BFSP2: variants seen among roughly 807,000 people sequenced by gnomAD.
The protein encoded by BFSP2 is phakinin.
In BFSP2, 38 loss-of-function variants were observed where a neutral mutation model predicts 44.9. That is an observed-to-expected ratio of 0.85 (90% CI 0.65 to 1.11). BFSP2 has a LOEUF of 1.11. Ranked by LOEUF, BFSP2 falls within the 50% of genes least tolerant of loss-of-function variation. BFSP2 has a pLI of 0.00. For synonymous variants in BFSP2, 197 were observed against 209.9 expected (o/e 0.94, Z 0.53); for missense variants, 525 against 533.0 (o/e 0.99, Z 0.15).
rs540088874 is a variant in BFSP2, at chr3:133,460,075, T to C, written c.892-6753T>C. Among the ~76,000 whole-genome samples, 9 of 152,144 alleles carry C rather than the reference T, an allele frequency of 5.9e-5. No homozygotes were observed. In the East Asian group the frequency reaches 7.7e-4, roughly 13 times the overall value. ...CAGTGTGGATGTTGGCTGGTGTACC[T>C]GTGGGAGGCAAGAAATGGGTAGAAA... On this transcript the variant is annotated intron_variant, in intron 4 of 6. Coordinates refer to ENST00000302334, the MANE Select transcript of BFSP2 (RefSeq NM_003571.4).
Position 133,425,470 on chromosome 3 carries a change from T to C in BFSP2, c.490-21847T>C, listed in dbSNP as rs1469688144. ...CTTGCTCAGTGGGTGGTAGACATTC[T>C]TCCCAGCCCCTGGGCGAAAACATGG... is the stretch of plus-strand genomic sequence containing the variant. On this transcript the variant is annotated intron_variant, in intron 1 of 6. Transcript: ENST00000302334. Among the ~76,000 whole-genome samples the C allele has an allele frequency of 2.6e-5, 4 of 152,214 alleles. No homozygotes were observed. In the East Asian group the frequency reaches 7.7e-4, roughly 29 times the overall value.
intron 1 of BFSP2, among the ~76,000 whole-genome samples, chr3:133,441,596 T>A (rs946829207): frequency 6.6e-6 from 1 of 152,142 alleles, no homozygotes; most frequent in Non-Finnish European, 1.5e-5. Flanking sequence ...GGCTGTTCCC[T>A]GAGGGTAGGC....
At chr3:133,472,798 TG>T (rs1188340370) in intron 6 of BFSP2, among the ~76,000 whole-genome samples, 1 of 152,186 alleles carries the variant, frequency 6.6e-6, no homozygotes, top group Non-Finnish European at 1.5e-5. Flanking sequence ...TATTTATGTA[TG>T]TATATATACA....
chr3:133,469,826 G>T (rs982962725), intron 5 of BFSP2, among the ~76,000 whole-genome samples: 4 of 152,184 alleles, frequency 2.6e-5, no homozygotes, highest in African/African-American at 9.7e-5. Context: ...CTTTGGCTGG[G>T]GTTCCAATGA....
intron 1 of BFSP2, among the ~76,000 whole-genome samples, chr3:133,431,672 G>A (rs1559967045): frequency 6.6e-6 from 1 of 152,042 alleles, no homozygotes; most frequent in Non-Finnish European, 1.5e-5. Context: ...ACAGCGGAGG[G>A]TAAGTCCATC....
At chr3:133,417,467 ACCCTCTCCCCTCTACTCACCCCTG>A in intron 1 of BFSP2, among the ~76,000 whole-genome samples, 1 of 22,154 alleles carries the variant, frequency 4.5e-5, no homozygotes, top group East Asian at 1.2e-3. Context: ...ACTCACCCCT[ACCCTCTCCCCTCTACTCACCCCTG>A]CCCTCTCCCC....
At chr3:133,437,349 C>A (rs1387917997) in intron 1 of BFSP2, among the ~76,000 whole-genome samples, 1 of 152,074 alleles carries the variant, frequency 6.6e-6, no homozygotes, top group East Asian at 1.9e-4. Flanking sequence ...CATGGAGAAA[C>A]CCTGTCTCTA....
rs765038524 is a variant in BFSP2, at chr3:133,448,513, AAAGGC to A, written c.598_602del (p.Lys200GlyfsTer6). ...GATATGAAAATGAGCAGCCATTTCG[AAAGGC>A]GGCAGAAGAGGAAATTAACTCTCTG... On this transcript the variant is annotated frameshift_variant, in exon 3 of 7. Coordinates refer to ENST00000302334, the MANE Select transcript of BFSP2 (RefSeq NM_003571.4). LOFTEE classifies it high-confidence loss of function. 2.2e-5 allele frequency: 35 copies of A among 1,614,086 alleles called. No individual in the cohort carries two copies. The highest frequency in any genetic ancestry group is 3.0e-5 in the Non-Finnish European group (35 of 1,180,010).
intron 1 of BFSP2, among the ~76,000 whole-genome samples, chr3:133,434,621 C>G (rs1358454457): frequency 6.6e-6 from 1 of 152,158 alleles, no homozygotes; most frequent in East Asian, 1.9e-4. Flanking sequence ...TGAAGAATCA[C>G]AAAAGAAGTG....
intron 4 of BFSP2, among the ~76,000 whole-genome samples, chr3:133,453,723 G>T (rs2073986210): frequency 6.6e-6 from 1 of 152,178 alleles, no homozygotes; most frequent in African/African-American, 2.4e-5. Context: ...AAAAGATGCA[G>T]AATCTGGCAG....
rs116232675 is a variant in BFSP2 at position 133,457,771 on chromosome 3, T to C, written c.891+7307T>C. ...GCACTACACAAGTGGAGTTCAATAG[T>C]TGCAACAGAGACCATATGGCCTGCT... On this transcript the variant is annotated intron_variant, in intron 4 of 6. Transcript: ENST00000302334. Among the ~76,000 whole-genome samples the C allele has an allele frequency of 2.9e-3, 449 of 152,336 alleles. 3 individuals are homozygous for C. Among genetic ancestry groups the C allele is most frequent in the African/African-American group, 0.01 (425 of 41,564 alleles).
intron 4 of BFSP2, among the ~76,000 whole-genome samples, chr3:133,451,472 AG>A (rs1322993568): frequency 1.3e-5 from 2 of 152,238 alleles, no homozygotes; most frequent in African/African-American, 4.8e-5. Context: ...GCAGTGTAAA[AG>A]CAGCTGTAGC....
chr3:133,416,042 TC>T (rs2073524226), intron 1 of BFSP2, among the ~76,000 whole-genome samples: 1 of 111,294 alleles, frequency 9.0e-6, no homozygotes, highest in Non-Finnish European at 1.8e-5. Flanking sequence ...CCCTGTCCTC[TC>T]CTCTCTACTC....
intron 2 of BFSP2, 149 bp from the exon 3 acceptor site, chr3:133,448,340 C>T (rs770528120): frequency 7.2e-5 from 72 of 1,004,786 alleles, no homozygotes; most frequent in Non-Finnish European, 1.0e-4. Flanking sequence ...GTGACAACTG[C>T]ACTAACAGTG....
intron 1 of BFSP2, chr3:133,410,763 G>A: frequency 4.6e-6 from 1 of 218,060 alleles, no homozygotes; most frequent in Non-Finnish European, 1.0e-5. Context: ...ATCCCATGGT[G>A]ACAGCACAAA....
At chr3:133,463,286 G>T (rs2074080778) in intron 4 of BFSP2, among the ~76,000 whole-genome samples, 1 of 152,132 alleles carries the variant, frequency 6.6e-6, no homozygotes, top group African/African-American at 2.4e-5. Context: ...TCCAGCCTGG[G>T]GGACAAGAGC....
At chr3:133,429,626 T>C (rs900126988) in intron 1 of BFSP2, 2 of 152,228 alleles carry the variant, frequency 1.3e-5, no homozygotes, top group African/African-American at 4.8e-5. Flanking sequence ...TGCAACTTAC[T>C]TTCTTCACTT....
intron 4 of BFSP2, among the ~76,000 whole-genome samples, chr3:133,462,161 G>T (rs570433709): frequency 6.6e-6 from 1 of 152,136 alleles, no homozygotes; most frequent in Non-Finnish European, 1.5e-5. Flanking sequence ...ACGCTCATGC[G>T]CATTTAACCT....
In BFSP2 at chr3:133,400,298, G is replaced by A. The variant is rs773577959; in HGVS notation, c.215G>A (p.Arg72His). ...PSGCIGGLGA[R>H]VTRRALGISS... ...GGGTGCATAGGTGGCTTGGGTGCCCGTGTGACCCGCCGGGCCCTCGGCATC... is the reference window on the plus strand; with the variant it reads ...GGGTGCATAGGTGGCTTGGGTGCCCATGTGACCCGCCGGGCCCTCGGCATC... Residue 72 changes from arginine to histidine, a missense_variant, in exon 1 of 7, where the codon CGT becomes CAT. Arg to His is a conservative substitution (Grantham distance 29). Transcript: ENST00000302334. The surrounding 1 kb of genome is among the most constrained non-coding windows in gnomAD (Gnocchi z 4.0). 2.1e-5 allele frequency: 34 copies of A among 1,613,900 alleles called. No homozygotes were observed. The highest frequency in any genetic ancestry group is 1.6e-4 in the Middle Eastern group (1 of 6,084).
Sources: allele counts gnomAD v4.1 joint callset (sites outside exome capture counted in the v4.1 genomes callset), GRCh38; gene constraint gnomAD v4.1.1; non-coding constraint Gnocchi (gnomAD v3.1); transcripts MANE v1.5; gene names NCBI Gene and HGNC (gene_info 2026-07-23, HGNC 2026-07-21).